Variants in KATNIP observed in about 807,000 individuals in gnomAD.
The protein encoded by KATNIP is katanin-interacting protein.
KATNIP carries 126 observed loss-of-function variants against 174.0 expected under a neutral mutation model. The observed-to-expected ratio is 0.72, with a 90% CI of 0.63 to 0.84. The LOEUF (loss-of-function observed/expected upper bound fraction) is 0.84. Ranked by LOEUF, KATNIP falls within the 40% of genes least tolerant of loss-of-function variation. The pLI is 0.00. For missense variants in KATNIP, 1,958 were observed against 2,109.7 expected (o/e 0.93, Z 1.41); for synonymous variants, 810 against 835.7 (o/e 0.97, Z 0.53).
At chr16:27,709,107 T>G (rs2079453621) in intron 13 of KATNIP, 187 bp downstream of exon 13, 1 of 536,768 alleles carries the variant, frequency 1.9e-6, no homozygotes, top group Non-Finnish European at 3.3e-6. Context: ...TCATTTGAGG[T>G]CAGGAGTTCA....
At chr16:27,748,617 C>A (rs546366178) in intron 15 of KATNIP, among the ~76,000 whole-genome samples, 2 of 149,262 alleles carry the variant, frequency 1.3e-5, no homozygotes, top group South Asian at 4.3e-4. Flanking sequence ...GCATTTTTTT[C>A]TTGATGATAA....
At chr16:27,616,124 C>T (rs924978838) in intron 2 of KATNIP, among the ~76,000 whole-genome samples, 2 of 152,198 alleles carry the variant, frequency 1.3e-5, no homozygotes, top group Admixed American at 6.5e-5. Flanking sequence ...GTAGTACCAA[C>T]ACTTTGGGAG....
Position 27,699,564 on chromosome 16 carries a change from A to G in KATNIP, c.1144A>G (p.Thr382Ala). The change falls in exon 10 of 28, where the codon ACC becomes GCC. Residue 382 changes from threonine to alanine, a missense_variant. By Grantham distance (58) the Thr-to-Ala change is moderately conservative (BLOSUM62 0). Transcript: ENST00000261588. ...AGAAGGACCACCAGCAAAACCATGG[A>G]CCAGTCTGCTGGAGGAGAAGGAAGA... is the stretch of plus-strand genomic sequence containing the variant. ...DAEGPPAKPW[T>A]SLLEEKEETL... The G allele has an allele frequency of 6.2e-7, 1 of 1,614,190 alleles. No individual in the cohort carries two copies. Among genetic ancestry groups the G allele is most frequent in the Non-Finnish European group, 8.5e-7 (1 of 1,180,016 alleles).
intron 14 of KATNIP, among the ~76,000 whole-genome samples, chr16:27,722,985 G>T (rs1486701374): frequency 6.6e-6 from 1 of 152,172 alleles, no homozygotes; most frequent in Non-Finnish European, 1.5e-5. Context: ...CCCGCCTCAG[G>T]CTGGGAGAGA....
In KATNIP at chr16:27,564,497, GC is replaced by G. The variant is rs2090011182; in HGVS notation, c.8-9403del. On this transcript the variant is annotated intron_variant, in intron 1 of 27. Coordinates refer to ENST00000261588, the MANE Select transcript of KATNIP (RefSeq NM_015202.5). ...TTAACGGTGTGCAGGTTATAAATAA[GC>G]ATTTCTGTATGCCAGCTGCTGTTTG... Among the ~76,000 whole-genome samples, 4 of 152,156 alleles carry G rather than the reference GC, an allele frequency of 2.6e-5. No individual in the cohort carries two copies. In the South Asian group the frequency reaches 8.3e-4, roughly 32 times the overall value.
intron 2 of KATNIP, among the ~76,000 whole-genome samples, chr16:27,587,203 A>G (rs182103537): frequency 1.6e-4 from 24 of 152,344 alleles, no homozygotes; most frequent in Non-Finnish European, 3.1e-4. Flanking sequence ...GAGAATTAAA[A>G]GACTAATACA....
intron 12 of KATNIP, among the ~76,000 whole-genome samples, chr16:27,707,321 C>T (rs139417322): frequency 6.6e-6 from 1 of 152,290 alleles, no homozygotes; most frequent in African/African-American, 2.4e-5. Flanking sequence ...CCTGGAGGGC[C>T]TCAGGAAGCC....
intron 2 of KATNIP, among the ~76,000 whole-genome samples, chr16:27,579,304 A>G (rs1038078901): frequency 6.6e-6 from 1 of 152,158 alleles, no homozygotes; most frequent in Non-Finnish European, 1.5e-5. Flanking sequence ...GTTTGCTGTG[A>G]GGGCTGCAGT....
intron 2 of KATNIP, among the ~76,000 whole-genome samples, chr16:27,592,408 C>T (rs1455296150): frequency 2.0e-5 from 3 of 148,900 alleles, no homozygotes; most frequent in African/African-American, 7.4e-5. Flanking sequence ...CTCAGCCTCC[C>T]AAGTAGCTGG....
At position 27,749,774 on chromosome 16, in the gene KATNIP, G is replaced by A; in HGVS notation, c.2814G>A (p.Leu938=). The A allele has an allele frequency of 6.2e-7, 1 of 1,610,062 alleles. No homozygotes were observed. The highest frequency in any genetic ancestry group is 8.5e-7 in the Non-Finnish European group (1 of 1,177,660). The change falls in exon 16 of 28, where the codon TTG becomes TTA. Residue 938 remains leucine, a synonymous_variant. Transcript: ENST00000261588. ...LQQKSSRHSD[L]PPSKKGEQPG... ...AAAAGAGCAGCCGGCACAGCGACTT[G>A]CCCCCCTCCAAGAAGGGGGAGCAGC...
intron 12 of KATNIP, among the ~76,000 whole-genome samples, chr16:27,705,589 C>T (rs2079268016): frequency 6.6e-6 from 1 of 152,102 alleles, no homozygotes; most frequent in Non-Finnish European, 1.5e-5. Context: ...AGGGAGAAAC[C>T]AGCAAATATC....
At chr16:27,666,391 GTTTTT>G (rs1481924084) in intron 6 of KATNIP, among the ~76,000 whole-genome samples, 2 of 140,442 alleles carry the variant, frequency 1.4e-5, no homozygotes, top group Admixed American at 1.4e-4. Flanking sequence ...AGGGGAATGA[GTTTTT>G]GTTTTGTTTT....
At chr16:27,723,100 C>T (rs2080304297) in intron 14 of KATNIP, among the ~76,000 whole-genome samples, 1 of 152,172 alleles carries the variant, frequency 6.6e-6, no homozygotes, top group Non-Finnish European at 1.5e-5. Flanking sequence ...GTGGAGGGCC[C>T]TGCGTGTTCA....
chr16:27,603,081 CA>C (rs1249321429), intron 2 of KATNIP, among the ~76,000 whole-genome samples: 2 of 152,230 alleles, frequency 1.3e-5, no homozygotes, highest in Non-Finnish European at 2.9e-5. Context: ...GGTGCAATCA[CA>C]GGGGTGTGGC....
chr16:27,740,707 A>G lies in KATNIP; in HGVS notation c.2410A>G (p.Arg804Gly). 1 of 1,614,208 alleles carries G rather than the reference A, an allele frequency of 6.2e-7. No homozygotes were observed. Among genetic ancestry groups the G allele is most frequent in the African/African-American group, 1.3e-5 (1 of 75,072 alleles). ...TGAGGGTCCTGGAGAGACCGAGGCC[A>G]GGGATAAAGGCCTACGGCATGAGCC... ...IGEGPGETEA[R>G]DKGLRHEPGW... The change falls in exon 15 of 28, where the codon AGG becomes GGG. Residue 804 changes from arginine to glycine, a missense_variant. This residue lies in a region of KATNIP where 1,557 missense variants were observed against 1,617.8 expected (regional missense o/e 0.96). Transcript: ENST00000261588.
chr16:27,773,768 G>A (rs2082393797), intron 23 of KATNIP, among the ~76,000 whole-genome samples: 1 of 152,080 alleles, frequency 6.6e-6, no homozygotes, highest in African/African-American at 2.4e-5. Flanking sequence ...GACAATGGCT[G>A]GACCTGGTTA....
intron 3 of KATNIP, among the ~76,000 whole-genome samples, chr16:27,620,994 T>G (rs113684290): frequency 1.3e-5 from 2 of 152,188 alleles, no homozygotes; most frequent in African/African-American, 2.4e-5. Context: ...CACTGGCTCA[T>G]GGAATTAAGA....
chr16:27,778,046 AC>A (rs1032496328), intron 27 of KATNIP, 77 bp downstream of exon 27: 8 of 1,321,444 alleles, frequency 6.1e-6, no homozygotes, highest in South Asian at 5.0e-5. Flanking sequence ...GTGGCCTTGC[AC>A]CCCCACCCTC....
At chr16:27,550,288 C>T (rs1332513379) in intron 1 of KATNIP, 111 bp downstream of exon 1, 1 of 1,239,558 alleles carries the variant, frequency 8.1e-7, no homozygotes, top group Non-Finnish European at 1.1e-6. Flanking sequence ...CACTTCCTGA[C>T]CCAAGGGGGT....
Sources: allele counts gnomAD v4.1 joint callset (sites outside exome capture counted in the v4.1 genomes callset), GRCh38; gene constraint gnomAD v4.1.1; regional missense constraint gnomAD v4.1.1; transcripts MANE v1.5; gene names NCBI Gene and HGNC (gene_info 2026-07-23, HGNC 2026-07-21).